Variants in DSP observed in about 807,000 individuals in gnomAD.
The protein encoded by DSP is 250/210 kDa paraneoplastic pemphigus antigen.
Under a neutral mutation model 290.6 loss-of-function variants are expected in DSP, and 114 were observed. That is an observed-to-expected ratio of 0.39 (90% CI 0.34 to 0.46). DSP has a LOEUF of 0.46. Ranked by LOEUF, DSP falls within the 20% of genes least tolerant of loss-of-function variation. DSP has a pLI of 0.99. For missense variants in DSP, 3,230 were observed against 3,495.8 expected, an observed-to-expected ratio of 0.92 and a Z score of 1.92; for synonymous variants, 1,311 against 1,316.4, an observed-to-expected ratio of 1.00 and a Z score of 0.09.
Position 7,574,190 on chromosome 6 carries a change from A to C in DSP, c.2235A>C (p.Glu745Asp). 6.2e-7 allele frequency: 1 copy of C among 1,614,112 alleles called. No individual in the cohort carries two copies. The highest frequency in any genetic ancestry group is 8.5e-7 in the Non-Finnish European group (1 of 1,179,982). ...AAAAGTACTGCTATTTACAGAATGA[A>C]GTATTTGGACTATTTCAGAAACTGG... ...GSEKYCYLQN[E>D]VFGLFQKLEN... The change falls in exon 16 of 24, where the codon GAA (glutamate) becomes GAC (aspartate). Residue 745 changes from glutamate (E) to aspartate (D), a missense_variant. Glu to Asp is a conservative substitution (Grantham distance 45). This residue lies in a region of DSP where 1,714 missense variants were observed against 1,844.5 expected (regional missense o/e 0.93). Transcript: ENST00000379802.
At chr6:7,574,498 T>C (rs1486922421) in intron 16 of DSP, among the ~76,000 whole-genome samples, 159 bp from the exon 17 acceptor site, 1 of 152,188 alleles carries the variant, frequency 6.6e-6, no homozygotes, top group African/African-American at 2.4e-5. Context: ...CTTCAGCGAA[T>C]ACAAAATGTT....
intron 1 of DSP, 121 bp from the exon 2 acceptor site, chr6:7,555,597 C>A: frequency 1.3e-6 from 1 of 768,410 alleles, no homozygotes; most frequent in Non-Finnish European, 2.3e-6. Flanking sequence ...AATTGGGATT[C>A]CGGGTAAAGG....
chr6:7,575,569 C>A, intron 18 of DSP, 81 bp downstream of exon 18: 1 of 1,550,592 alleles, frequency 6.4e-7, no homozygotes, highest in South Asian at 1.1e-5. Flanking sequence ...AAGGGAACCA[C>A]TGAAGAAAAC....
chr6:7,555,174 C>T (rs571094379), intron 1 of DSP, among the ~76,000 whole-genome samples: 1 of 152,216 alleles, frequency 6.6e-6, no homozygotes, highest in South Asian at 2.1e-4. Context: ...TTTTATAACT[C>T]AGAGAGATAT....
chr6:7,557,510 T>A (rs375992130), intron 2 of DSP, among the ~76,000 whole-genome samples: 70 of 152,186 alleles, frequency 4.6e-4, no homozygotes, highest in African/African-American at 1.6e-3. Context: ...TGAAACCCTG[T>A]CTCTATTAAA....
At chr6:7,544,305 G>A (rs1265684304) in intron 1 of DSP, among the ~76,000 whole-genome samples, 1 of 152,202 alleles carries the variant, frequency 6.6e-6, no homozygotes, top group South Asian at 2.1e-4. Context: ...TTTTCTGGTG[G>A]CATTCTGGTT....
In DSP at chr6:7,549,983, T is replaced by G. The variant is rs192464249; in HGVS notation, c.171-5735T>G. 5.6e-3 allele frequency among the ~76,000 whole-genome samples: 856 copies of G among 152,306 alleles called. 9 individuals carry two copies. Among genetic ancestry groups the G allele is most frequent in the African/African-American group, 0.019 (802 of 41,558 alleles). ...TCTTTGAAATATTTGTCTTGTTTTT[T>G]TGTGTTTTTTCTTTATCTTTTTGAA... On this transcript the variant is annotated intron_variant, in intron 1 of 23. Transcript: ENST00000379802.
chr6:7,577,644 C>T, intron 20 of DSP, 135 bp from the exon 21 acceptor site: 3 of 782,446 alleles, frequency 3.8e-6, no homozygotes, highest in Non-Finnish European at 4.5e-6. Context: ...AGTTGCTTGG[C>T]CACTAGTGGC....
chr6:7,581,723 G>A (rs1272897940), intron 23 of DSP, among the ~76,000 whole-genome samples, 154 bp downstream of exon 23: 1 of 152,026 alleles, frequency 6.6e-6, no homozygotes, highest in Non-Finnish European at 1.5e-5. Flanking sequence ...CATAATCCAG[G>A]TAACTGCTTT....
In DSP at chr6:7,581,047, G is replaced by C. The variant is rs373385083; in HGVS notation, c.4857G>C (p.Leu1619=). The change falls in exon 23 of 24, where the codon CTG becomes CTC. Residue 1619 remains leucine (L), a synonymous_variant. Transcript: ENST00000379802. ...AIKITNLTQQ[L]EQASIVKKRS... ...AAATCACCAACCTGACCCAGCAGCT[G>C]GAGCAGGCATCCATTGTTAAGAAGA... 4 of 1,614,086 alleles carry C rather than the reference G, an allele frequency of 2.5e-6. No homozygotes were observed. In the Middle Eastern group the frequency reaches 4.9e-4, roughly 200 times the overall value.
At chr6:7,562,600 A>G in intron 4 of DSP, 52 bp from the exon 5 acceptor site, 1 of 1,612,440 alleles carries the variant, frequency 6.2e-7, no homozygotes, top group Non-Finnish European at 8.5e-7. Flanking sequence ...TAAGTGAAAC[A>G]GGTGCAAAGG....
intron 16 of DSP, 151 bp downstream of exon 16, chr6:7,574,403 T>C: frequency 1.1e-6 from 1 of 911,346 alleles, no homozygotes; most frequent in Non-Finnish European, 1.7e-6. Flanking sequence ...TTAATTCCGC[T>C]AGCCTCGCAT....
intron 10 of DSP, 60 bp downstream of exon 10, chr6:7,567,966 C>T (rs1758915310): frequency 1.2e-6 from 2 of 1,603,108 alleles, no homozygotes; most frequent in Non-Finnish European, 1.7e-6. Flanking sequence ...AAAACACATG[C>T]CTTGGATGCA....
chr6:7,577,153 C>A, intron 20 of DSP, 111 bp downstream of exon 20: 2 of 798,040 alleles, frequency 2.5e-6, no homozygotes, highest in African/African-American at 1.8e-5. Flanking sequence ...CAATTACGGT[C>A]TGTATATATT....
rs148573690 is a variant in DSP at position 7,577,509 on chromosome 6, G to A, written c.2878-270G>A. ...ATGCCCGGCTAATTTTATATTTTTA[G>A]TAGAGACAGGGTTTCTCCGTGTTGG... On this transcript the variant is annotated intron_variant, in intron 20 of 23. Coordinates refer to ENST00000379802, the MANE Select transcript of DSP (RefSeq NM_004415.4). Among the ~76,000 whole-genome samples, 575 of 152,178 alleles carry A rather than the reference G, an allele frequency of 3.8e-3. 3 individuals carry two copies. The highest frequency in any genetic ancestry group is 0.013 in the African/African-American group (528 of 41,506).
At chr6:7,554,577 T>G (rs1397539336) in intron 1 of DSP, among the ~76,000 whole-genome samples, 1 of 152,172 alleles carries the variant, frequency 6.6e-6, no homozygotes, top group East Asian at 1.9e-4. Flanking sequence ...ATTTAAATTT[T>G]CCATCACTTT....
At chr6:7,568,738 C>A in intron 11 of DSP, 149 bp downstream of exon 11, 2 of 883,832 alleles carry the variant, frequency 2.3e-6, no homozygotes, top group South Asian at 1.5e-5. Flanking sequence ...GGAACAAAAG[C>A]AGCAGCTCTG....
At chr6:7,566,580 C>A in intron 8 of DSP, 99 bp downstream of exon 8, 2 of 996,444 alleles carry the variant, frequency 2.0e-6, no homozygotes, top group Non-Finnish European at 3.0e-6. Context: ...TAAAGCCGTG[C>A]CAACTTTATT....
At chr6:7,561,531 C>G (rs928578678) in intron 4 of DSP, among the ~76,000 whole-genome samples, 1 of 152,086 alleles carries the variant, frequency 6.6e-6, no homozygotes, top group African/African-American at 2.4e-5. Context: ...GTTTTGTTTT[C>G]CCGATTTGTG....
Sources: allele counts gnomAD v4.1 joint callset (sites outside exome capture counted in the v4.1 genomes callset), GRCh38; gene constraint gnomAD v4.1.1; regional missense constraint gnomAD v4.1.1; transcripts MANE v1.5; gene names NCBI Gene and HGNC (gene_info 2026-07-23, HGNC 2026-07-21).